DOK7: variants seen among roughly 807,000 people sequenced by gnomAD.
The protein encoded by DOK7 is protein Dok-7.
A neutral mutation model predicts 30.7 loss-of-function variants in DOK7; 32 were observed. That is an observed-to-expected ratio of 1.04 (90% CI 0.79 to 1.40). The LOEUF (loss-of-function observed/expected upper bound fraction) is 1.40. Ranked by LOEUF, DOK7 falls within the 40% of genes most tolerant of loss-of-function variation. The pLI, the probability that DOK7 is intolerant of heterozygous loss-of-function variation, is 0.00. For synonymous variants in DOK7, 447 were observed against 324.1 expected (o/e 1.38, Z -4.07); for missense variants, 1,007 against 699.2 (o/e 1.44, Z -4.97).
intron 6 of DOK7, among the ~76,000 whole-genome samples, chr4:3,490,344 CT>C (rs1399407502): frequency 7.6e-5 from 9 of 118,966 alleles, no homozygotes; most frequent in African/African-American, 2.9e-4. Flanking sequence ...TCATTCCTTC[CT>C]TTTCCCCACA....
chr4:3,464,009 C>T (rs1044997715), intron 2 of DOK7, among the ~76,000 whole-genome samples: 1 of 152,074 alleles, frequency 6.6e-6, no homozygotes, highest in Non-Finnish European at 1.5e-5. Context: ...GGCAGAGTGA[C>T]TGCCACATTG....
intron 5 of DOK7, among the ~76,000 whole-genome samples, chr4:3,486,055 C>T (rs1441325755): frequency 6.6e-6 from 1 of 152,228 alleles, no homozygotes; most frequent in African/African-American, 2.4e-5. Flanking sequence ...GGCAGCTGGT[C>T]TGACTCTGCA....
intron 2 of DOK7, among the ~76,000 whole-genome samples, chr4:3,468,361 C>G (rs56162531): frequency 6.6e-6 from 1 of 150,680 alleles, no homozygotes; most frequent in Non-Finnish European, 1.5e-5. Flanking sequence ...TGTCTGTGTG[C>G]GTGTGTCTGT....
chr4:3,472,821 G>T (rs556591208), intron 2 of DOK7, among the ~76,000 whole-genome samples: 19 of 152,356 alleles, frequency 1.2e-4, no homozygotes, highest in African/African-American at 4.3e-4. Context: ...TGCTGTGCTG[G>T]GCAGTGGCCG....
chr4:3,500,610 C>G, intron 7 of DOK7: 1 of 1,530,278 alleles, frequency 6.5e-7, no homozygotes, highest in Non-Finnish European at 8.7e-7. Context: ...GAGGGCCTGG[C>G]TGGGGGACTG....
Position 3,475,698 on chromosome 4 carries a change from C to T in DOK7, c.332-644C>T, listed in dbSNP as rs370098496. Among the ~76,000 whole-genome samples, 124 of 152,282 alleles carry T rather than the reference C, an allele frequency of 8.1e-4. No homozygotes were observed. In the South Asian group the frequency reaches 0.02, roughly 24 times the overall value. On this transcript the variant is annotated intron_variant, in intron 3 of 6. Coordinates refer to ENST00000340083, the MANE Select transcript of DOK7 (RefSeq NM_173660.5). ...ATACAGACTCCAGACTCTCCACACC[C>T]GAACTGGAGGCTGGGGGATCCCTGA...
intron 4 of DOK7, among the ~76,000 whole-genome samples, chr4:3,484,017 C>T (rs918603289): frequency 3.3e-5 from 5 of 152,216 alleles, no homozygotes; most frequent in Non-Finnish European, 4.4e-5. Context: ...TGATCAGGAG[C>T]ACCCCTCACC....
intron 2 of DOK7, among the ~76,000 whole-genome samples, chr4:3,471,589 G>A (rs956636589): frequency 1.3e-5 from 2 of 152,400 alleles, no homozygotes; most frequent in African/African-American, 2.4e-5. Context: ...CCCGTCCTGC[G>A]CGGAGCCACC....
chr4:3,494,638 G>A (rs920871249), downstream of DOK7, among the ~76,000 whole-genome samples: 1 of 152,214 alleles, frequency 6.6e-6, no homozygotes, highest in African/African-American at 2.4e-5. Context: ...CCTTGGGCCT[G>A]AATGCTGTGG....
intron 2 of DOK7, among the ~76,000 whole-genome samples, chr4:3,472,478 G>C (rs1726814551): frequency 6.6e-6 from 1 of 152,220 alleles, no homozygotes; most frequent in South Asian, 2.1e-4. Context: ...GGGCCTAGGT[G>C]GGAGGAGGCC....
At chr4:3,488,464 T>C (rs1462928579) in intron 5 of DOK7, among the ~76,000 whole-genome samples, 2 of 152,208 alleles carry the variant, frequency 1.3e-5, no homozygotes, top group African/African-American at 4.8e-5. Flanking sequence ...ACACCATTGC[T>C]TTCTCTGTTT....
chr4:3,497,237 C>A (rs544278914), downstream of DOK7, among the ~76,000 whole-genome samples: 1 of 151,704 alleles, frequency 6.6e-6, no homozygotes, highest in Admixed American at 6.6e-5. Flanking sequence ...TGGGAGGGGG[C>A]ATGGCAGGAA....
chr4:3,497,766 A>C (rs2109439228), downstream of DOK7, among the ~76,000 whole-genome samples: 1 of 152,156 alleles, frequency 6.6e-6, no homozygotes, highest in South Asian at 2.1e-4. Context: ...ACAGGCAGGC[A>C]GGGGCAGCTT....
intron 6 of DOK7, among the ~76,000 whole-genome samples, chr4:3,492,140 A>ACGGGAGGG (rs1661250578): frequency 6.6e-6 from 1 of 152,194 alleles, no homozygotes; most frequent in South Asian, 2.1e-4. Context: ...TCCCAAGAGC[A>ACGGGAGGG]CGGGAGGGGC....
Position 3,463,359 on chromosome 4 carries a change from C to A in DOK7, c.-17C>A, listed in dbSNP as rs1304670535. 1.4e-6 allele frequency: 2 copies of A among 1,462,444 alleles called. No homozygotes were observed. Among genetic ancestry groups the A allele is most frequent in the Non-Finnish European group, 1.8e-6 (2 of 1,120,524 alleles). 90.6% of individuals were successfully genotyped at this position (1,462,444 alleles called of 1,614,324 possible). On this transcript the variant is annotated 5_prime_UTR_variant, in exon 1 of 7. Coordinates refer to ENST00000340083, the MANE Select transcript of DOK7 (RefSeq NM_173660.5). ...GGGCGCCGGGGCGAGCGCGGCGGCG[C>A]GGAACCATGACAGAAGATGACCGAG...
At chr4:3,472,741 G>A (rs1018091822) in intron 2 of DOK7, among the ~76,000 whole-genome samples, 4 of 152,220 alleles carry the variant, frequency 2.6e-5, no homozygotes, top group Admixed American at 6.5e-5. Flanking sequence ...ACGGGGACCC[G>A]AGTTGCCCTG....
chr4:3,496,711 C>T (rs1181896388), downstream of DOK7: 4 of 1,290,086 alleles, frequency 3.1e-6, no homozygotes, highest in African/African-American at 3.0e-5. Context: ...CCCAGGTCCC[C>T]CAGCCTGTGT....
At position 3,493,033 on chromosome 4, in the gene DOK7, C is replaced by T. The variant is rs1478891614; in HGVS notation, c.1047C>T (p.Ser349=). 3 of 1,571,548 alleles carry T rather than the reference C, an allele frequency of 1.9e-6. No homozygotes were observed. The highest frequency in any genetic ancestry group is 1.1e-5 in the South Asian group (1 of 87,094). The change falls in exon 7 of 7, where the codon TCC becomes TCT. Residue 349 remains serine, a synonymous_variant. Coordinates refer to ENST00000340083, the MANE Select transcript of DOK7 (RefSeq NM_173660.5). ...CCACTGGCAGCCACTCCTCTTACTC[C>T]AGCAGCCTCTCGTCCTACGCGGGCA... is the stretch of plus-strand genomic sequence containing the variant. The part of the protein sequence containing the change: ...GIATGSHSSY[S]SSLSSYAGSS...
At chr4:3,486,842 G>A (rs947462673) in intron 5 of DOK7, among the ~76,000 whole-genome samples, 1 of 152,146 alleles carries the variant, frequency 6.6e-6, no homozygotes, top group African/African-American at 2.4e-5. Flanking sequence ...TGTGCAGAGT[G>A]CAGGGCGGGG....
Sources: gnomAD v4.1 joint callset for allele counts (sites outside exome capture counted in the v4.1 genomes callset) on GRCh38, gnomAD v4.1.1 for gene constraint, MANE v1.5 for transcripts, NCBI Gene and HGNC (gene_info 2026-07-23, HGNC 2026-07-21) for gene names.